SH2B3: variants seen among roughly 807,000 people sequenced by gnomAD.
The protein encoded by SH2B3 is SH2B adapter protein 3.
In SH2B3, 43 loss-of-function variants were observed where a neutral mutation model predicts 51.9. The observed-to-expected ratio is 0.83, with a 90% confidence interval of 0.65 to 1.07. The LOEUF is 1.07. SH2B3 is among the 50% of genes least tolerant of loss of function. The pLI, the probability that SH2B3 is intolerant of heterozygous loss-of-function variation, is 0.00. For missense variants in SH2B3, 952 were observed against 834.3 expected (o/e 1.14, Z -1.74); for synonymous variants, 396 against 376.0 (o/e 1.05, Z -0.62).
At chr12:111,440,588 T>TCAAG (rs1338986951) in intron 2 of SH2B3, among the ~76,000 whole-genome samples, 1 of 152,198 alleles carries the variant, frequency 6.6e-6, no homozygotes, top group Non-Finnish European at 1.5e-5. Flanking sequence ...CCAGCCACAG[T>TCAAG]CAAGCCCCTG....
rs1565971872 is a variant in SH2B3 at position 111,419,888 on chromosome 12, GTC to G, written c.732+1014_732+1015del. 4.6e-5 allele frequency among the ~76,000 whole-genome samples: 7 copies of G among 152,264 alleles called. 1 individual carries two copies. In the South Asian group the frequency reaches 1.4e-3, roughly 32 times the overall value. The stretch of plus-strand genomic sequence containing the variant: ...ATACCACATGAGGTTTAGTCGTTAC[GTC>G]TCCTTAGGCGCCTCTTGGCTGTAAC... On this transcript the variant is annotated intron_variant, in intron 2 of 7. Transcript: ENST00000341259.
In SH2B3 at chr12:111,409,710, A is replaced by G. The variant is rs1300519719; in HGVS notation, c.-28+3433A>G. ...GCTTGAGATCCCTTGGAGACTGAGC[A>G]GGTCCTGAGGCCTGGCAGCAGGACC... On this transcript the variant is annotated intron_variant, in intron 1 of 7. Coordinates refer to ENST00000341259, the MANE Select transcript of SH2B3 (RefSeq NM_005475.3). This position sits in a 1 kb window ranked among gnomAD's most constrained non-coding sequence, Gnocchi z 4.0. Among the ~76,000 whole-genome samples the G allele has an allele frequency of 6.6e-6, 1 of 152,192 alleles. No individual in the cohort carries two copies. The highest frequency in any genetic ancestry group is 1.5e-5 in the Non-Finnish European group (1 of 68,026).
Position 111,448,334 on chromosome 12 carries a change from C to T in SH2B3, c.*32C>T, listed in dbSNP as rs770443581. ...AGGAATTCCAGGCCTCAACAGCTGC[C>T]CTTGAGGAGCACAGGCAGAAGTGTG... On this transcript the variant is annotated 3_prime_UTR_variant, in exon 8 of 8. Transcript: ENST00000341259. 12 of 1,450,438 alleles carry T rather than the reference C, an allele frequency of 8.3e-6. No homozygotes were observed. In the South Asian group the frequency reaches 1.2e-4, roughly 15 times the overall value. 89.8% of individuals were successfully genotyped at this position (1,450,438 alleles called of 1,614,324 possible).
At chr12:111,422,563 GTT>G (rs771165348) in intron 2 of SH2B3, among the ~76,000 whole-genome samples, 1 of 144,626 alleles carries the variant, frequency 6.9e-6, no homozygotes. Context: ...AAGCAGTTTT[GTT>G]TTTTTTTTTT....
intron 2 of SH2B3, among the ~76,000 whole-genome samples, chr12:111,441,593 C>A (rs1231471808): frequency 1.3e-5 from 2 of 152,028 alleles, no homozygotes; most frequent in African/African-American, 2.4e-5. Flanking sequence ...CTGAGACGCA[C>A]CACGTTTAAG....
chr12:111,447,464 C>T lies in SH2B3; in HGVS notation c.1156C>T (p.His386Tyr), dbSNP rs1470445627. 2 of 1,609,064 alleles carry T rather than the reference C, an allele frequency of 1.2e-6. No homozygotes were observed. The highest frequency in any genetic ancestry group is 1.4e-5 in the African/African-American group (1 of 73,778). ...GGTTCAGCTGCAGGGCCCTGATGCTCATGGAGTGTTCCTGGTGCGGCAGAG... is the reference window on the plus strand; with the variant it reads ...GGTTCAGCTGCAGGGCCCTGATGCTTATGGAGTGTTCCTGGTGCGGCAGAG... ...QLVQLQGPDAHGVFLVRQSET... is the reference protein window; with the variant it reads ...QLVQLQGPDAYGVFLVRQSET... Residue 386 changes from histidine (H) to tyrosine (Y), a missense_variant, in exon 6 of 8, where the codon CAT (histidine) becomes TAT (tyrosine). His to Tyr is a moderately conservative substitution (Grantham distance 83). Coordinates refer to ENST00000341259, the MANE Select transcript of SH2B3 (RefSeq NM_005475.3).
At chr12:111,412,759 T>G (rs1467167326) in intron 1 of SH2B3, among the ~76,000 whole-genome samples, 1 of 151,978 alleles carries the variant, frequency 6.6e-6, no homozygotes, top group Non-Finnish European at 1.5e-5. Context: ...ATAGTAGACA[T>G]AGGGTTTCAT....
chr12:111,451,177 G>A lies in SH2B3; in HGVS notation c.*2875G>A, dbSNP rs1468490889. On this transcript the variant is annotated 3_prime_UTR_variant, in exon 8 of 8. Transcript: ENST00000341259. ...TGGCTTTATCTGGTATAAATCTTCT[G>A]CCTTTGATCATTTCTGGACCGTAGG... 2 of 152,616 alleles carry A rather than the reference G, an allele frequency of 1.3e-5. No homozygotes were observed. Among genetic ancestry groups the A allele is most frequent in the Non-Finnish European group, 2.9e-5 (2 of 68,028 alleles). 9.5% of individuals were successfully genotyped at this position (152,616 alleles called of 1,614,324 possible). A position where few individuals can be genotyped will look rare whatever the true frequency, so the allele number is the denominator to read the frequency against.
chr12:111,429,054 G>A lies in SH2B3; in HGVS notation c.732+10177G>A, dbSNP rs1286760715. The stretch of plus-strand genomic sequence containing the variant: ...AGGAGGAGGAGGAGGAGGAAGAGGA[G>A]GAGGAGGAGGAGGAGGGACGGCAGG... On this transcript the variant is annotated intron_variant, in intron 2 of 7. Coordinates refer to ENST00000341259, the MANE Select transcript of SH2B3 (RefSeq NM_005475.3). The surrounding 1 kb of genome is among the most constrained non-coding windows in gnomAD (Gnocchi z 4.4). Among the ~76,000 whole-genome samples, 1 of 150,696 alleles carries A rather than the reference G, an allele frequency of 6.6e-6. No individual in the cohort carries two copies. The highest frequency in any genetic ancestry group is 2.4e-5 in the African/African-American group (1 of 41,100).
chr12:111,418,923 C>T lies in SH2B3; in HGVS notation c.732+46C>T. 2.9e-6 allele frequency: 4 copies of T among 1,361,482 alleles called. No individual in the cohort carries two copies. The highest frequency in any genetic ancestry group is 2.8e-6 in the Non-Finnish European group (3 of 1,064,438). 84.3% of individuals were successfully genotyped at this position (1,361,482 alleles called of 1,614,324 possible). On this transcript the variant is annotated intron_variant, in intron 2 of 7. Coordinates refer to ENST00000341259, the MANE Select transcript of SH2B3 (RefSeq NM_005475.3). The surrounding 1 kb of genome is among the most constrained non-coding windows in gnomAD (Gnocchi z 6.7). ...GGGTTGCGCACTGCACTGCGCCCTTCGCCTTCACCCTGGGGAGAGCGCGGG... is the reference window on the plus strand; with the variant it reads ...GGGTTGCGCACTGCACTGCGCCCTTTGCCTTCACCCTGGGGAGAGCGCGGG...
chr12:111,411,825 A>G (rs1870723963), intron 1 of SH2B3, among the ~76,000 whole-genome samples: 1 of 152,190 alleles, frequency 6.6e-6, no homozygotes, highest in South Asian at 2.1e-4. Flanking sequence ...AGGATGCACC[A>G]GGCTGAGTTA....
chr12:111,448,351 A>T lies in SH2B3; in HGVS notation c.*49A>T. 1.5e-6 allele frequency: 2 copies of T among 1,310,970 alleles called. No individual in the cohort carries two copies. Among genetic ancestry groups the T allele is most frequent in the African/African-American group, 2.9e-5 (2 of 68,680 alleles). 81.2% of individuals were successfully genotyped at this position (1,310,970 alleles called of 1,614,324 possible). A position where few individuals can be genotyped will look rare whatever the true frequency, so the allele number is the denominator to read the frequency against. ...ACAGCTGCCCTTGAGGAGCACAGGCAGAAGTGTGAACTTGTGAATGTAATT... is the reference window on the plus strand; with the variant it reads ...ACAGCTGCCCTTGAGGAGCACAGGCTGAAGTGTGAACTTGTGAATGTAATT... On this transcript the variant is annotated 3_prime_UTR_variant, in exon 8 of 8. Transcript: ENST00000341259.
chr12:111,432,335 G>A (rs757510728), intron 2 of SH2B3, among the ~76,000 whole-genome samples: 3 of 151,948 alleles, frequency 2.0e-5, no homozygotes, highest in Non-Finnish European at 2.9e-5. Context: ...TACAGCCACC[G>A]CGCCCAGCCC....
rs1872798005 is a variant in SH2B3 at position 111,435,579 on chromosome 12, G to A, written c.733-11174G>A. On this transcript the variant is annotated intron_variant, in intron 2 of 7. Transcript: ENST00000341259. This position sits in a 1 kb window ranked among gnomAD's most constrained non-coding sequence, Gnocchi z 4.8. ...TCACCATGTTGGCCAGGCTGGTCTC[G>A]AACTCCTGACCTCAAGTGATCCGCC... Among the ~76,000 whole-genome samples, 1 of 152,248 alleles carries A rather than the reference G, an allele frequency of 6.6e-6. No individual in the cohort carries two copies. The highest frequency in any genetic ancestry group is 3.4e-3 in the Middle Eastern group (1 of 294).
At chr12:111,443,009 C>T (rs1479303631) in intron 2 of SH2B3, among the ~76,000 whole-genome samples, 1 of 152,248 alleles carries the variant, frequency 6.6e-6, no homozygotes, top group African/African-American at 2.4e-5. Context: ...TCTAGAAGGA[C>T]CATCCTGGCC....
chr12:111,406,526 T>A lies in SH2B3; in HGVS notation c.-28+249T>A, dbSNP rs1032933139. The stretch of plus-strand genomic sequence containing the variant: ...CGTTGGGGTAACTGAGGCCGTGGGA[T>A]GGGGGAGAGGGCATCGCTGACGCCC... On this transcript the variant is annotated intron_variant, in intron 1 of 7. Coordinates refer to ENST00000341259, the MANE Select transcript of SH2B3 (RefSeq NM_005475.3). The surrounding 1 kb of genome is among the most constrained non-coding windows in gnomAD (Gnocchi z 5.7). 1.1e-4 allele frequency among the ~76,000 whole-genome samples: 16 copies of A among 152,262 alleles called. No homozygotes were observed. Among genetic ancestry groups the A allele is most frequent in the Admixed American group, 9.8e-4 (15 of 15,304 alleles).
intron 2 of SH2B3, among the ~76,000 whole-genome samples, chr12:111,444,551 G>A (rs1206029665): frequency 6.6e-6 from 1 of 152,246 alleles, no homozygotes; most frequent in Non-Finnish European, 1.5e-5. Context: ...AGCCTAAGCA[G>A]GTCCAGGGAG....
At chr12:111,427,255 G>A (rs1346666967) in intron 2 of SH2B3, among the ~76,000 whole-genome samples, 3 of 151,886 alleles carry the variant, frequency 2.0e-5, no homozygotes, top group South Asian at 2.1e-4. Flanking sequence ...CCACAGTGAC[G>A]TGTGCCTATA....
At chr12:111,412,725 T>C (rs1435538321) in intron 1 of SH2B3, among the ~76,000 whole-genome samples, 1 of 152,034 alleles carries the variant, frequency 6.6e-6, no homozygotes, top group African/African-American at 2.4e-5. Context: ...CCAGCCACCA[T>C]GCCAGGCTAA....
Sources: gnomAD v4.1 joint callset for allele counts (sites outside exome capture counted in the v4.1 genomes callset) on GRCh38, gnomAD v4.1.1 for gene constraint, Gnocchi (gnomAD v3.1) non-coding constraint, MANE v1.5 for transcripts, NCBI Gene and HGNC (gene_info 2026-07-23, HGNC 2026-07-21) for gene names.